Variants in GLIS1 observed in about 807,000 individuals in gnomAD.
GLIS1 encodes GLIS family zinc finger 1.
GLIS1 carries 24 observed loss-of-function variants against 63.8 expected under a neutral mutation model. The ratio of observed to expected loss-of-function variants is 0.38; its 90% confidence interval spans 0.27 to 0.53. GLIS1 has a LOEUF of 0.53. Among genes scored for constraint, GLIS1 ranks in the 20% least tolerant of loss-of-function variants. The pLI, the probability that GLIS1 is intolerant of heterozygous loss-of-function variation, is 0.85. For synonymous variants in GLIS1, 450 were observed against 482.5 expected, an observed-to-expected ratio of 0.93 and a Z score of 0.88; for missense variants, 1,036 against 1,074.1, an observed-to-expected ratio of 0.96 and a Z score of 0.50.
chr1:53,720,204 T>A (rs1646739858), intron 2 of GLIS1, among the ~76,000 whole-genome samples: 1 of 152,058 alleles, frequency 6.6e-6, no homozygotes, highest in Admixed American at 6.6e-5. Context: ...AGTAAAAGGA[T>A]ACCATCACCA....
intron 2 of GLIS1, among the ~76,000 whole-genome samples, chr1:53,719,484 A>G (rs1646731742): frequency 6.6e-6 from 1 of 152,220 alleles, no homozygotes; most frequent in Non-Finnish European, 1.5e-5. Context: ...ATCAGAGTTT[A>G]CACACCTGAA....
In GLIS1 at chr1:53,509,917, G is replaced by A; in HGVS notation, c.1994C>T (p.Thr665Ile). The change falls in exon 9 of 11, where the codon ACA becomes ATA. Residue 665 changes from threonine to isoleucine, a missense_variant. Coordinates refer to ENST00000628545, the MANE Select transcript of GLIS1 (RefSeq NM_001367484.1). ...SHSPGGQPFPTLPSKPSYPPF... is the reference protein window; with the variant it reads ...SHSPGGQPFPILPSKPSYPPF... The stretch of plus-strand genomic sequence containing the variant: ...TGGGTAGGACGGCTTGCTGGGGAGT[G>A]TGGGGAAGGGCTGGCCCCCCGGAGA... The A allele has an allele frequency of 7.7e-7, 1 of 1,307,082 alleles. No individual in the cohort carries two copies. 81.0% of individuals were successfully genotyped at this position (1,307,082 alleles called of 1,614,324 possible).
chr1:53,641,224 T>C (rs1260146043), intron 2 of GLIS1, among the ~76,000 whole-genome samples: 5 of 152,196 alleles, frequency 3.3e-5, no homozygotes, highest in Non-Finnish European at 7.4e-5. Flanking sequence ...GCTGAGTACC[T>C]GGGCTGGACC....
At chr1:53,682,627 C>T (rs187018998) in intron 2 of GLIS1, among the ~76,000 whole-genome samples, 10 of 152,342 alleles carry the variant, frequency 6.6e-5, no homozygotes, top group African/African-American at 1.9e-4. Flanking sequence ...GGGGCAATAA[C>T]GCAGAGCCAA....
intron 2 of GLIS1, among the ~76,000 whole-genome samples, chr1:53,670,639 C>T (rs1273211978): frequency 1.3e-5 from 2 of 152,208 alleles, no homozygotes; most frequent in African/African-American, 4.8e-5. Context: ...CAAATTGCTT[C>T]ATGCTGGGTC....
At chr1:53,520,196 G>A (rs1023052823) in intron 7 of GLIS1, among the ~76,000 whole-genome samples, 3 of 152,192 alleles carry the variant, frequency 2.0e-5, no homozygotes, top group Non-Finnish European at 4.4e-5. Flanking sequence ...TGAAGGAAGG[G>A]CAGGAGCTAC....
intron 2 of GLIS1, among the ~76,000 whole-genome samples, chr1:53,651,996 C>T (rs72660634): frequency 0.031 from 4,719 of 152,268 alleles, 125 homozygotes; most frequent in Non-Finnish European, 0.042. Context: ...AAGGCCTCTC[C>T]AGAGTTATGC....
At chr1:53,615,893 C>T (rs1372643957) in intron 2 of GLIS1, among the ~76,000 whole-genome samples, 1 of 151,946 alleles carries the variant, frequency 6.6e-6, no homozygotes, top group Non-Finnish European at 1.5e-5. Flanking sequence ...GGATTACAGG[C>T]GTGCGCAACC....
Position 53,506,503 on chromosome 1 carries a change from TG to T in GLIS1, c.*115del. On this transcript the variant is annotated 3_prime_UTR_variant, in exon 11 of 11. Coordinates refer to ENST00000628545, the MANE Select transcript of GLIS1 (RefSeq NM_001367484.1). ...GCGCTGGCTCCCCTGGGTCATGGCC[TG>T]GCTGTTCCGGCTGTGGCCTGGCACT... 2 of 1,137,908 alleles carry T rather than the reference TG, an allele frequency of 1.8e-6. No homozygotes were observed. Among genetic ancestry groups the T allele is most frequent in the Non-Finnish European group, 2.5e-6 (2 of 785,822 alleles). The allele number at this position is 1,137,908 out of a possible 1,614,324, so 70.5% of individuals were successfully genotyped here. A position where few individuals can be genotyped will look rare whatever the true frequency, so the allele number is the denominator to read the frequency against.
At chr1:53,589,708 G>A (rs1239857252) in intron 4 of GLIS1, among the ~76,000 whole-genome samples, 1 of 152,182 alleles carries the variant, frequency 6.6e-6, no homozygotes, top group Non-Finnish European at 1.5e-5. Flanking sequence ...GAGGAAGCTG[G>A]GCAGGATGAA....
chr1:53,537,152 C>T (rs1037320530), intron 4 of GLIS1, among the ~76,000 whole-genome samples: 2 of 152,330 alleles, frequency 1.3e-5, no homozygotes, highest in South Asian at 2.1e-4. Flanking sequence ...GTGGCATCCT[C>T]GCCTCTGGGC....
intron 4 of GLIS1, among the ~76,000 whole-genome samples, chr1:53,537,643 G>A (rs992669566): frequency 2.6e-5 from 4 of 152,210 alleles, no homozygotes; most frequent in African/African-American, 9.7e-5. Flanking sequence ...CATAGCTGGT[G>A]CCTAATGAAT....
At chr1:53,618,898 C>T (rs949460346) in intron 2 of GLIS1, among the ~76,000 whole-genome samples, 3 of 152,226 alleles carry the variant, frequency 2.0e-5, no homozygotes, top group African/African-American at 4.8e-5. Context: ...GAGTTCTAGT[C>T]CTACCCTGGC....
chr1:53,733,796 G>T, intron 2 of GLIS1: 1 of 522,408 alleles, frequency 1.9e-6, no homozygotes. Flanking sequence ...GAAAAAATTT[G>T]GATCTGATTA....
chr1:53,568,638 C>T (rs1644956569), intron 4 of GLIS1, among the ~76,000 whole-genome samples: 1 of 152,106 alleles, frequency 6.6e-6, no homozygotes, highest in Non-Finnish European at 1.5e-5. Flanking sequence ...GTGATTGGAT[C>T]ATGGGCGGAT....
intron 2 of GLIS1, among the ~76,000 whole-genome samples, chr1:53,719,038 CGT>C (rs1198082632): frequency 1.3e-5 from 2 of 152,196 alleles, no homozygotes; most frequent in Non-Finnish European, 2.9e-5. Flanking sequence ...GCATGCATCC[CGT>C]GGGACACTTC....
chr1:53,644,356 A>G (rs1041924072), intron 2 of GLIS1, among the ~76,000 whole-genome samples: 2 of 152,260 alleles, frequency 1.3e-5, no homozygotes, highest in African/African-American at 4.8e-5. Context: ...TCTTCATTAA[A>G]CAAATATTAT....
At chr1:53,677,377 T>C (rs1212455116) in intron 2 of GLIS1, among the ~76,000 whole-genome samples, 2 of 152,072 alleles carry the variant, frequency 1.3e-5, no homozygotes, top group African/African-American at 4.8e-5. Context: ...GCAGTGGGGA[T>C]GGCGCGGGGG....
chr1:53,734,439 G>A (rs1021805485), intron 2 of GLIS1, among the ~76,000 whole-genome samples: 2 of 152,102 alleles, frequency 1.3e-5, no homozygotes, highest in African/African-American at 2.4e-5. Flanking sequence ...GCCAGCTCTC[G>A]GCCGCCAACA....
Sources: gnomAD v4.1 joint callset for allele counts (sites outside exome capture counted in the v4.1 genomes callset) on GRCh38, gnomAD v4.1.1 for gene constraint, MANE v1.5 for transcripts, NCBI Gene and HGNC (gene_info 2026-07-23, HGNC 2026-07-21) for gene names.